The following TAB1 variants were observed in gnomAD, a reference collection of about 807,000 sequenced individuals.
TAB1 encodes the protein TGF-beta activated kinase 1 (MAP3K7) binding protein 1, also known as TGF-beta-activated kinase 1 and MAP3K7-binding protein 1.
TAB1 carries 30 observed loss-of-function variants against 54.5 expected under a neutral mutation model. That is an observed-to-expected ratio of 0.55 (90% confidence interval 0.41 to 0.75). TAB1 has a LOEUF of 0.75. TAB1 is among the 30% of genes least tolerant of loss of function. The probability of loss-of-function intolerance (pLI) is 0.00; values close to 1 mark genes in which losing one functional copy is unlikely to be tolerated. For missense variants in TAB1, 609 were observed against 683.2 expected (o/e 0.89, Z 1.21); for synonymous variants, 289 against 286.9 (o/e 1.01, Z -0.07).
rs1475712433 is a variant in TAB1, at chr22:39,427,979, C to T, written c.1145-42C>T. ...TATGCCCCTGCTACCCTGGGTTTCT[C>T]CTCAGCTGCTGCCTGAGGCCCCCAC... On this transcript the variant is annotated intron_variant, in intron 9 of 10. Transcript: ENST00000216160. The T allele has an allele frequency of 3.2e-6, 5 of 1,539,274 alleles. No individual in the cohort carries two copies. The African/African-American group carries it at 4.1e-5, about 13-fold the overall frequency.
downstream of TAB1, chr22:39,436,615 A>T: frequency 6.7e-7 from 1 of 1,487,760 alleles, no homozygotes; most frequent in Non-Finnish European, 9.4e-7. Context: ...AGCTGAGATC[A>T]TCCTGGGGTT....
rs145800809 is a variant in TAB1 at position 39,428,166 on chromosome 22, C to G, written c.1290C>G (p.Ala430=). ...GAHSASTLDE[A]TPTLTNQSPT... ...ACAGTGCTTCCACCCTGGACGAAGC[C>G]ACCCCCACCCTCACCAAGTAAGTCC... is the stretch of plus-strand genomic sequence containing the variant. Residue 430 remains alanine, a synonymous_variant, in exon 10 of 11, where the codon GCC becomes GCG. Transcript: ENST00000216160. 1.2e-6 allele frequency: 2 copies of G among 1,606,364 alleles called. No homozygotes were observed. Among genetic ancestry groups the G allele is most frequent in the Middle Eastern group, 1.7e-4 (1 of 5,906 alleles).
intron 10 of TAB1, chr22:39,429,523 G>C (rs1046020762): frequency 1.2e-5 from 5 of 421,372 alleles, no homozygotes; most frequent in Non-Finnish European, 1.6e-5. Context: ...TGTTGCCCAG[G>C]CTGGAGTGCA....
In TAB1 at chr22:39,430,057, G is replaced by A. The variant is rs761345863; in HGVS notation, c.1350G>A (p.Thr450=). The A allele has an allele frequency of 4.5e-5, 72 of 1,613,840 alleles. 1 individual carries two copies. Among genetic ancestry groups the A allele is most frequent in the Non-Finnish European group, 5.6e-5 (66 of 1,180,036 alleles). Residue 450 remains threonine (T), a synonymous_variant, in exon 11 of 11, where the codon ACG becomes ACA. Transcript: ENST00000216160. ...TLTLQSTNTH[T]QSSSSSSDGG... ...CCCTGCAGTCCACCAACACGCACAC[G>A]CAGAGCAGCAGCTCCAGCTCTGACG... is the stretch of plus-strand genomic sequence containing the variant.
downstream of TAB1, chr22:39,433,573 G>A (rs1240944729): frequency 3.1e-5 from 31 of 985,432 alleles, no homozygotes; most frequent in Non-Finnish European, 3.5e-5. Flanking sequence ...TGAGGGCGCC[G>A]CAGCACCCGT....
chr22:39,403,654 T>TC (rs1263428766), intron 1 of TAB1, among the ~76,000 whole-genome samples: 1 of 151,468 alleles, frequency 6.6e-6, no homozygotes, highest in Admixed American at 6.6e-5. Flanking sequence ...TTTTTTTTTT[T>TC]TTGAGACGGA....
chr22:39,425,308 G>A (rs2145679976), intron 8 of TAB1, among the ~76,000 whole-genome samples: 1 of 152,014 alleles, frequency 6.6e-6, no homozygotes, highest in South Asian at 2.1e-4. Flanking sequence ...TCTTGAACCT[G>A]GGAGATGGAA....
chr22:39,410,591 G>A (rs1021798123), intron 1 of TAB1, among the ~76,000 whole-genome samples: 6 of 151,306 alleles, frequency 4.0e-5, no homozygotes, highest in Non-Finnish European at 4.4e-5. Context: ...TCCATTAGTA[G>A]GGTTTGGTTA....
downstream of TAB1, chr22:39,436,751 A>C: frequency 1.7e-6 from 1 of 600,226 alleles, no homozygotes; most frequent in Non-Finnish European, 3.0e-6. Context: ...CTCACCTAGA[A>C]TGGCCCATCC....
At chr22:39,406,306 G>C (rs1926360500) in intron 1 of TAB1, among the ~76,000 whole-genome samples, 1 of 148,020 alleles carries the variant, frequency 6.8e-6, no homozygotes, top group African/African-American at 2.5e-5. Context: ...GGCTGAGGCA[G>C]AGAATTGCTT....
intron 7 of TAB1, among the ~76,000 whole-genome samples, chr22:39,420,767 C>T (rs1305149279): frequency 7.1e-6 from 1 of 140,322 alleles, no homozygotes; most frequent in Non-Finnish European, 1.5e-5. Context: ...TATACACACA[C>T]GGTGTCTCTG....
chr22:39,433,338 C>G, downstream of TAB1: 3 of 775,404 alleles, frequency 3.9e-6, no homozygotes, highest in Non-Finnish European at 4.7e-6. Context: ...GTAGTCCCAG[C>G]TACTCTGGAG....
chr22:39,426,228 G>A (rs1927328734), intron 8 of TAB1, among the ~76,000 whole-genome samples: 1 of 152,216 alleles, frequency 6.6e-6, no homozygotes. Context: ...AGGAACATCT[G>A]TATACTAGAC....
intron 9 of TAB1, 36 bp from the exon 10 acceptor site, chr22:39,427,985 C>A: frequency 1.3e-6 from 2 of 1,544,476 alleles, no homozygotes; most frequent in Non-Finnish European, 1.8e-6. Flanking sequence ...TTCTCCTCAG[C>A]TGCTGCCTGA....
Position 39,415,995 on chromosome 22 carries a change from T to G in TAB1, c.324+342T>G, listed in dbSNP as rs1456342442. On this transcript the variant is annotated intron_variant, in intron 3 of 10. Transcript: ENST00000216160. This position sits in a 1 kb window ranked among gnomAD's most constrained non-coding sequence, Gnocchi z 4.9. ...CTTTCTTTCCTATGTGGTCAGGTGC[T>G]CAGCCTCCAGGTGCAGGAGCCATCC... Among the ~76,000 whole-genome samples the G allele has an allele frequency of 6.6e-6, 1 of 152,170 alleles. No individual in the cohort carries two copies. Among genetic ancestry groups the G allele is most frequent in the Non-Finnish European group, 1.5e-5 (1 of 68,014 alleles).
At chr22:39,433,586 G>A, downstream of TAB1, 1 of 985,442 alleles carries the variant, frequency 1.0e-6, no homozygotes, top group South Asian at 4.7e-5. Flanking sequence ...GCACCCGTGA[G>A]CCATCCTCAC....
intron 8 of TAB1, among the ~76,000 whole-genome samples, chr22:39,422,719 G>A (rs988997147): frequency 3.3e-5 from 5 of 152,124 alleles, no homozygotes; most frequent in Non-Finnish European, 7.4e-5. Context: ...TTTCTACAGT[G>A]AGGATGGTAA....
rs1439622930 is a variant in TAB1 at position 39,430,519 on chromosome 22, G to A, written c.*297G>A. On this transcript the variant is annotated 3_prime_UTR_variant, in exon 11 of 11. Coordinates refer to ENST00000216160, the MANE Select transcript of TAB1 (RefSeq NM_006116.3). The stretch of plus-strand genomic sequence containing the variant: ...TATAGAAACCGCAGTGGGCCTGCAA[G>A]CCGCCCGAGCCTCCCCAGCAGCCTC... The A allele has an allele frequency of 4.7e-6, 6 of 1,285,126 alleles. No individual in the cohort carries two copies. In the East Asian group the frequency reaches 1.1e-4, roughly 24 times the overall value. 79.6% of individuals were successfully genotyped at this position (1,285,126 alleles called of 1,614,324 possible). A position where few individuals can be genotyped will look rare whatever the true frequency, so the allele number is the denominator to read the frequency against.
chr22:39,416,707 G>C (rs1048268964), intron 3 of TAB1, 84 bp from the exon 4 acceptor site: 30 of 1,290,534 alleles, frequency 2.3e-5, no homozygotes, highest in Middle Eastern at 3.7e-4. Flanking sequence ...CAGCAAAGCT[G>C]CTGCTCTGAT....
Sources: allele counts gnomAD v4.1 joint callset (sites outside exome capture counted in the v4.1 genomes callset), GRCh38; gene constraint gnomAD v4.1.1; non-coding constraint Gnocchi (gnomAD v3.1); transcripts MANE v1.5; gene names NCBI Gene and HGNC (gene_info 2026-07-23, HGNC 2026-07-21).